The following ZSCAN25 variants were observed in gnomAD, a reference collection of about 807,000 sequenced individuals.
ZSCAN25 encodes zinc finger and SCAN domain containing 25, also known as zinc finger and SCAN domain-containing protein 25.
ZSCAN25 carries 27 observed loss-of-function variants against 38.7 expected under a neutral mutation model. The ratio of observed to expected loss-of-function variants is 0.70; its 90% CI spans 0.51 to 0.96. ZSCAN25 has a LOEUF of 0.96. Among genes scored for constraint, ZSCAN25 ranks in the 40% least tolerant of loss-of-function variants. The pLI, the probability that ZSCAN25 is intolerant of heterozygous loss-of-function variation, is 0.00. For missense variants in ZSCAN25, 637 were observed against 705.9 expected (o/e 0.90, Z 1.11); for synonymous variants, 273 against 277.7 (o/e 0.98, Z 0.17).
At chr7:99,711,938 C>T in the ZSCAN25 span, among the ~76,000 whole-genome samples, 1 of 152,114 alleles carries the variant, frequency 6.6e-6, no homozygotes, top group Non-Finnish European at 1.5e-5. Flanking sequence ...AGGTAATAGA[C>T]CCAGGCTATA....
At chr7:99,666,650 T>C in the ZSCAN25 span, 2 of 1,614,042 alleles carry the variant, frequency 1.2e-6, no homozygotes. Context: ...CTCAAGTTTC[T>C]CACCAATACA....
the ZSCAN25 span, chr7:99,731,083 CA>C: frequency 1.9e-6 from 3 of 1,613,526 alleles, no homozygotes; most frequent in African/African-American, 4.0e-5. Context: ...AAGCATTTCC[CA>C]AAAAAGGCAG....
intron 6 of ZSCAN25, among the ~76,000 whole-genome samples, chr7:99,622,980 G>C (rs573087583): frequency 1.3e-5 from 2 of 152,140 alleles, no homozygotes; most frequent in Non-Finnish European, 2.9e-5. Context: ...CTAATTTTTT[G>C]TATTTTTAGT....
chr7:99,663,890 A>G, the ZSCAN25 span: 14 of 1,482,010 alleles, frequency 9.4e-6, no homozygotes, highest in Middle Eastern at 5.0e-4. Flanking sequence ...AAAAATACAG[A>G]TACATGCTCT....
the ZSCAN25 span, among the ~76,000 whole-genome samples, chr7:99,691,478 C>G: frequency 6.6e-6 from 1 of 152,104 alleles, no homozygotes; most frequent in South Asian, 2.1e-4. Flanking sequence ...ATTGATCTGT[C>G]TAATATTGAC....
At chr7:99,660,339 A>C in the ZSCAN25 span, 1 of 1,284,462 alleles carries the variant, frequency 7.8e-7, no homozygotes, top group Non-Finnish European at 9.9e-7. Flanking sequence ...ACCGTTCTCT[A>C]TGTTTCTCCC....
the ZSCAN25 span, chr7:99,672,684 G>T: frequency 6.2e-7 from 1 of 1,614,008 alleles, no homozygotes; most frequent in Middle Eastern, 1.7e-4. Context: ...TACGTTCTGT[G>T]TGGGGACAAC....
intron 7 of ZSCAN25, among the ~76,000 whole-genome samples, chr7:99,624,688 G>A (rs1157898599): frequency 6.6e-6 from 1 of 152,198 alleles, no homozygotes; most frequent in African/African-American, 2.4e-5. Flanking sequence ...GAGTCACAGA[G>A]GAAGCAGAGC....
At chr7:99,708,676 A>C in the ZSCAN25 span, among the ~76,000 whole-genome samples, 1 of 152,140 alleles carries the variant, frequency 6.6e-6, no homozygotes, top group Non-Finnish European at 1.5e-5. Flanking sequence ...TTTTTATTCA[A>C]ATTTGATTCC....
At chr7:99,654,520 T>A in the ZSCAN25 span, among the ~76,000 whole-genome samples, 4 of 152,360 alleles carry the variant, frequency 2.6e-5, 1 homozygote, top group African/African-American at 9.6e-5. Context: ...TTTGCTATTG[T>A]GAATAGTGCT....
chr7:99,625,100 A>G (rs1382878185), intron 7 of ZSCAN25, among the ~76,000 whole-genome samples: 4 of 152,284 alleles, frequency 2.6e-5, no homozygotes, highest in Middle Eastern at 6.8e-3. Context: ...AAGAGAATCC[A>G]TCCTGCCCCT....
At chr7:99,715,403 A>G in the ZSCAN25 span, 2 of 290,060 alleles carry the variant, frequency 6.9e-6, no homozygotes, top group Non-Finnish European at 1.3e-5. Flanking sequence ...GAAAGAAAAT[A>G]ATACAGACTA....
intron 4 of ZSCAN25, 76 bp from the exon 5 acceptor site, chr7:99,621,297 T>C (rs1286688789): frequency 8.0e-7 from 1 of 1,250,876 alleles, no homozygotes; most frequent in Admixed American, 3.0e-5. Flanking sequence ...GGTTCTCTTT[T>C]TAGATTTTAG....
intron 4 of ZSCAN25, chr7:99,620,307 T>C: frequency 3.3e-6 from 1 of 305,592 alleles, no homozygotes; most frequent in Non-Finnish European, 6.1e-6. Context: ...CTCATAGACC[T>C]GACCCTGCTT....
chr7:99,638,452 TGTG>T, the ZSCAN25 span: 12 of 1,553,810 alleles, frequency 7.7e-6, no homozygotes, highest in East Asian at 1.1e-4. Context: ...TCATTGATAA[TGTG>T]GTGCAGCTCC....
In ZSCAN25 at chr7:99,626,116, G is replaced by A. The variant is rs1003010; in HGVS notation, c.805+1936G>A. ...GTGAGGTGCAGACCTTGTTGTCTGGGTTGTAATTGCAGTAATGTCCACAAG... is the reference window on the plus strand; with the variant it reads ...GTGAGGTGCAGACCTTGTTGTCTGGATTGTAATTGCAGTAATGTCCACAAG... On this transcript the variant is annotated intron_variant, in intron 7 of 7. Coordinates refer to ENST00000394152, the MANE Select transcript of ZSCAN25 (RefSeq NM_145115.3). Among the ~76,000 whole-genome samples the A allele has an allele frequency of 6.2e-4, 95 of 152,324 alleles. No homozygotes were observed. The East Asian group carries it at 0.011, about 18-fold the overall frequency.
downstream of ZSCAN25, among the ~76,000 whole-genome samples, chr7:99,636,302 AC>A (rs1387305355): frequency 3.3e-5 from 5 of 152,192 alleles, no homozygotes; most frequent in African/African-American, 1.2e-4. Flanking sequence ...AACTATTTCT[AC>A]TAAAGTGAAA....
At chr7:99,710,227 T>C in the ZSCAN25 span, among the ~76,000 whole-genome samples, 1 of 152,182 alleles carries the variant, frequency 6.6e-6, no homozygotes, top group Non-Finnish European at 1.5e-5. Context: ...AAGGCAATAT[T>C]ATAGAGTTTA....
intron 7 of ZSCAN25, among the ~76,000 whole-genome samples, chr7:99,628,515 G>A (rs1384643119): frequency 6.6e-6 from 1 of 152,252 alleles, no homozygotes; most frequent in African/African-American, 2.4e-5. Context: ...CATTTCAGCA[G>A]CGTCATGGTC....
Sources: allele counts gnomAD v4.1 joint callset (sites outside exome capture counted in the v4.1 genomes callset), GRCh38; gene constraint gnomAD v4.1.1; transcripts MANE v1.5; gene names NCBI Gene and HGNC (gene_info 2026-07-23, HGNC 2026-07-21).